The following USP32 variants were observed in gnomAD, a reference collection of about 807,000 sequenced individuals.
The protein encoded by USP32 is ubiquitin specific peptidase 32, also known as ubiquitin carboxyl-terminal hydrolase 32.
Under a neutral mutation model 204.8 loss-of-function variants are expected in USP32, and 59 were observed. That is an observed-to-expected ratio of 0.29 (90% confidence interval 0.23 to 0.36). USP32 has a LOEUF of 0.36. Ranked by LOEUF, USP32 falls within the 10% of genes least tolerant of loss-of-function variation. The probability of loss-of-function intolerance (pLI) is 1.00; values close to 1 mark genes in which losing one functional copy is unlikely to be tolerated. For synonymous variants in USP32, 517 were observed against 678.4 expected, an observed-to-expected ratio of 0.76 and a Z score of 3.70; for missense variants, 1,160 against 1,946.4, an observed-to-expected ratio of 0.60 and a Z score of 7.60.
intron 1 of USP32, among the ~76,000 whole-genome samples, chr17:60,409,547 A>T (rs925819692): frequency 6.6e-6 from 1 of 152,188 alleles, no homozygotes; most frequent in East Asian, 1.9e-4. Flanking sequence ...AAAAATTACC[A>T]CAAGCTTAGT....
chr17:60,317,514 TAAA>T (rs368825449), intron 2 of USP32, among the ~76,000 whole-genome samples: 4 of 109,600 alleles, frequency 3.6e-5, no homozygotes, highest in Non-Finnish European at 7.6e-5. Context: ...AGACCCTGTC[TAAA>T]AAAAAAAAAA....
In USP32 at chr17:60,338,113, CA is replaced by C. The variant is rs2088567686; in HGVS notation, c.186+7367del. 1.3e-5 allele frequency among the ~76,000 whole-genome samples: 2 copies of C among 151,978 alleles called. 1 individual carries two copies. The highest frequency in any genetic ancestry group is 4.1e-4 in the South Asian group (2 of 4,824). On this transcript the variant is annotated intron_variant, in intron 2 of 33. Transcript: ENST00000300896. ...CTAGGACAGGCAGATAGCTTGAGCC[CA>C]AAAGATCAAGCCCAGCCTGGGCAAC...
intron 12 of USP32, among the ~76,000 whole-genome samples, chr17:60,230,962 G>C (rs1197401762): frequency 6.6e-6 from 1 of 151,940 alleles, no homozygotes; most frequent in Non-Finnish European, 1.5e-5. Flanking sequence ...TGTTTTTATT[G>C]ACTTCAGGGG....
intron 30 of USP32, among the ~76,000 whole-genome samples, chr17:60,184,145 A>G (rs1486173095): frequency 1.3e-5 from 2 of 151,592 alleles, no homozygotes; most frequent in East Asian, 3.9e-4. Context: ...ATAAATAAAT[A>G]AATAAAAAAC....
At chr17:60,244,029 G>GTTATTTTTTTTTTTTTT (rs2085946394) in intron 11 of USP32, among the ~76,000 whole-genome samples, 1 of 71,680 alleles carries the variant, frequency 1.4e-5, no homozygotes, top group African/African-American at 7.1e-5. Flanking sequence ...GCTGGATTGT[G>GTTATTTTTTTTTTTTTT]TTTTTTTTTT....
chr17:60,390,034 C>A (rs1598310957), intron 1 of USP32, among the ~76,000 whole-genome samples: 1 of 152,170 alleles, frequency 6.6e-6, no homozygotes, highest in South Asian at 2.1e-4. Context: ...AACATAAATT[C>A]ATTCCAATAG....
chr17:60,286,688 T>C (rs954394791), intron 5 of USP32, among the ~76,000 whole-genome samples: 2 of 152,146 alleles, frequency 1.3e-5, no homozygotes, highest in Non-Finnish European at 2.9e-5. Flanking sequence ...TAAAAGAAGA[T>C]GTTTGATTTC....
chr17:60,385,391 G>A (rs2089712994), intron 1 of USP32, among the ~76,000 whole-genome samples: 1 of 152,054 alleles, frequency 6.6e-6, no homozygotes, highest in Admixed American at 6.6e-5. Context: ...CTCTTCACAT[G>A]GACGCGCATG....
Position 60,326,743 on chromosome 17 carries a change from A to G in USP32, c.186+18738T>C, listed in dbSNP as rs529118233. Among the ~76,000 whole-genome samples the G allele has an allele frequency of 1.4e-4, 21 of 152,362 alleles. 1 individual carries two copies. The South Asian group carries it at 4.1e-3, about 30-fold the overall frequency. On this transcript the variant is annotated intron_variant, in intron 2 of 33. Coordinates refer to ENST00000300896, the MANE Select transcript of USP32 (RefSeq NM_032582.4). ...TCACCAAAGGAAAATTCATGCACAG[A>G]GTATAAAATATTCCCCCCAAAGAGA...
upstream of USP32, among the ~76,000 whole-genome samples, chr17:60,396,949 A>G (rs2089904925): frequency 6.6e-6 from 1 of 152,224 alleles, no homozygotes; most frequent in Middle Eastern, 3.2e-3. Context: ...GAAGGGTCTT[A>G]TGGATAGTAC....
chr17:60,334,960 CG>C (rs1487814484), intron 2 of USP32, among the ~76,000 whole-genome samples: 1 of 142,070 alleles, frequency 7.0e-6, no homozygotes. Flanking sequence ...CGCCCAGCCA[CG>C]TTTTTTTATT....
chr17:60,184,314 C>CA (rs35229069), intron 30 of USP32, among the ~76,000 whole-genome samples: 14,997 of 89,332 alleles, frequency 0.17, 1,935 homozygotes, highest in African/African-American at 0.35. Flanking sequence ...GACTCCGTCT[C>CA]AAAAAAAAAA....
chr17:60,325,832 G>C (rs578134573), intron 2 of USP32, among the ~76,000 whole-genome samples: 1 of 152,154 alleles, frequency 6.6e-6, no homozygotes, highest in East Asian at 1.9e-4. Context: ...GGGAGGCTGA[G>C]GCAGGAAGAT....
At chr17:60,345,432 G>A (rs1460271769) in intron 2 of USP32, 49 bp downstream of exon 2, 4 of 1,603,890 alleles carry the variant, frequency 2.5e-6, no homozygotes, top group South Asian at 1.1e-5. Context: ...ATTTAGGCTG[G>A]TGGAGGTGGA....
rs372941030 is a variant in USP32, at chr17:60,347,351, A to AT, written c.59-1744dup. Among the ~76,000 whole-genome samples, 552 of 131,214 alleles carry AT rather than the reference A, an allele frequency of 4.2e-3. 1 individual carries two copies. The highest frequency in any genetic ancestry group is 7.9e-3 in the South Asian group (32 of 4,042). The allele number at this position is 131,214 out of a possible 152,430, so 86.1% of individuals were successfully genotyped here. ...AGGTGCGCACCACCACACCTGGCTC[A>AT]TTTTTTTTTTTTTTTTTTATGAGAC... On this transcript the variant is annotated intron_variant, in intron 1 of 33. Transcript: ENST00000300896.
chr17:60,228,983 G>T lies in USP32; in HGVS notation c.1240-2752C>A, dbSNP rs141886077. Among the ~76,000 whole-genome samples the T allele has an allele frequency of 1.2e-3, 181 of 151,914 alleles. 2 individuals carry two copies. The highest frequency in any genetic ancestry group is 2.0e-3 in the Non-Finnish European group (138 of 67,942). On this transcript the variant is annotated intron_variant, in intron 12 of 33. Transcript: ENST00000300896. ...CACCTGGTTAAATTAGGTTTCAAAA[G>T]AAAATTTTCCATAAACATAAATGCC...
At position 60,285,556 on chromosome 17, in the gene USP32, C is replaced by T. The variant is rs142448957; in HGVS notation, c.571+2967G>A. 7.1e-4 allele frequency among the ~76,000 whole-genome samples: 108 copies of T among 152,276 alleles called. 1 individual carries two copies. The highest frequency in any genetic ancestry group is 1.4e-3 in the Non-Finnish European group (95 of 68,024). ...AGATTGGAAAGATAGGATAATACTG[C>T]AGACCCCCTCTGCCGGAAAGGATCC... On this transcript the variant is annotated intron_variant, in intron 5 of 33. Transcript: ENST00000300896.
chr17:60,209,473 A>C lies in USP32; in HGVS notation c.2495T>G (p.Phe832Cys). The C allele has an allele frequency of 1.2e-6, 2 of 1,602,086 alleles. No individual in the cohort carries two copies. The highest frequency in any genetic ancestry group is 1.7e-6 in the Non-Finnish European group (2 of 1,176,180). Residue 832 changes from phenylalanine (F) to cysteine (C), a missense_variant, in exon 22 of 34, where the codon TTT (phenylalanine) becomes TGT (cysteine). Phe to Cys is a radical substitution (Grantham distance 205). Transcript: ENST00000300896. Reference sequence around the variant, plus strand: ...ATCTTCATGAAGACCATCCAAGAGAAAAGCCAGAAGTTCTTGGGAGTCCTG... The same window carrying C: ...ATCTTCATGAAGACCATCCAAGAGACAAGCCAGAAGTTCTTGGGAGTCCTG... ...QQQDSQELLA[F>C]LLDGLHEDLN...
chr17:60,290,959 A>G (rs1034283188), intron 4 of USP32, among the ~76,000 whole-genome samples: 2 of 152,220 alleles, frequency 1.3e-5, no homozygotes, highest in Non-Finnish European at 2.9e-5. Flanking sequence ...ACCTTCATAC[A>G]GAGCTAATAC....
Sources: allele counts gnomAD v4.1 joint callset (sites outside exome capture counted in the v4.1 genomes callset), GRCh38; gene constraint gnomAD v4.1.1; transcripts MANE v1.5; gene names NCBI Gene and HGNC (gene_info 2026-07-23, HGNC 2026-07-21).